The following MTUS1 variants were observed in gnomAD, a reference collection of about 807,000 sequenced individuals.
The protein encoded by MTUS1 is microtubule-associated tumor suppressor 1.
Under a neutral mutation model 120.8 loss-of-function variants are expected in MTUS1, and 109 were observed. That is an observed-to-expected ratio of 0.90 (90% CI 0.77 to 1.06). The LOEUF is 1.06. Among genes scored for constraint, MTUS1 ranks in the 50% least tolerant of loss-of-function variants. The pLI, the probability that MTUS1 is intolerant of heterozygous loss-of-function variation, is 0.00. For missense variants in MTUS1, 2,210 were observed against 1,486.3 expected, an observed-to-expected ratio of 1.49 and a Z score of -8.01; for synonymous variants, 737 against 550.5, an observed-to-expected ratio of 1.34 and a Z score of -4.74.
At chr8:17,676,132 A>T in intron 7 of MTUS1, 2 of 635,642 alleles carry the variant, frequency 3.1e-6, no homozygotes. Flanking sequence ...CCACATCCTG[A>T]TCACAGCGTT....
rs1325328439 is a variant in MTUS1 at position 17,646,080 on chromosome 8, T to C, written c.3659A>G (p.Asn1220Ser). 1.2e-6 allele frequency: 2 copies of C among 1,613,518 alleles called. No homozygotes were observed. Among genetic ancestry groups the C allele is most frequent in the Non-Finnish European group, 1.7e-6 (2 of 1,179,822 alleles). The change falls in exon 15 of 15, where the codon AAC becomes AGC. Residue 1220 changes from asparagine (N) to serine (S), a missense_variant. Transcript: ENST00000693296. ...CTCGTTTTCCATAGAGAGTCGCTTG[T>C]TGACTTTCGACTCCTTCTCCAGCGA... ...QESLEKESKV[N>S]KRLSMENEEL...
intron 7 of MTUS1, among the ~76,000 whole-genome samples, chr8:17,675,680 T>C (rs933458513): frequency 6.6e-6 from 1 of 152,206 alleles, no homozygotes; most frequent in African/African-American, 2.4e-5. Flanking sequence ...GTCCTATATT[T>C]GCACATAAAA....
intron 1 of MTUS1, among the ~76,000 whole-genome samples, chr8:17,762,249 A>G (rs1166441452): frequency 6.6e-6 from 1 of 152,242 alleles, no homozygotes; most frequent in Non-Finnish European, 1.5e-5. Flanking sequence ...ACCACACTCC[A>G]GCCCAGGTGA....
intron 6 of MTUS1, among the ~76,000 whole-genome samples, chr8:17,709,528 T>C (rs1319094039): frequency 6.6e-6 from 1 of 152,130 alleles, no homozygotes; most frequent in African/African-American, 2.4e-5. Context: ...ACACTCACAA[T>C]GTGTGAACAA....
intron 3 of MTUS1, among the ~76,000 whole-genome samples, chr8:17,741,259 C>G (rs1563300309): frequency 6.6e-6 from 1 of 152,126 alleles, no homozygotes; most frequent in Non-Finnish European, 1.5e-5. Context: ...CCTTCATCAC[C>G]TCCTCACCAG....
intron 7 of MTUS1, 92 bp downstream of exon 7, chr8:17,684,236 C>G: frequency 1.1e-6 from 1 of 876,890 alleles, no homozygotes; most frequent in Non-Finnish European, 1.9e-6. Context: ...CATCATTTAC[C>G]TAGATATTCC....
At chr8:17,745,689 C>T (rs2047689081) in intron 2 of MTUS1, among the ~76,000 whole-genome samples, 1 of 152,238 alleles carries the variant, frequency 6.6e-6, no homozygotes, top group Non-Finnish European at 1.5e-5. Context: ...CCCCTGGGGG[C>T]TCTCTCTACA....
intron 2 of MTUS1, chr8:17,748,193 T>C (rs1486404162): frequency 6.6e-6 from 1 of 152,166 alleles, no homozygotes; most frequent in East Asian, 1.9e-4. Flanking sequence ...GCCTGGTTAG[T>C]ACTTGGATGG....
chr8:17,660,675 T>C (rs1443833872), intron 8 of MTUS1, among the ~76,000 whole-genome samples: 3 of 152,224 alleles, frequency 2.0e-5, no homozygotes, highest in Admixed American at 1.3e-4. Flanking sequence ...GGGTTCCAAT[T>C]TCTCCACATG....
chr8:17,762,961 G>A (rs1376201270), intron 1 of MTUS1, among the ~76,000 whole-genome samples: 1 of 151,482 alleles, frequency 6.6e-6, no homozygotes, highest in African/African-American at 2.4e-5. Flanking sequence ...AACAACAGTG[G>A]CTGTCAGGGC....
In MTUS1 at chr8:17,644,840, T is replaced by C. The variant is rs117879365; in HGVS notation, c.*1086A>G. On this transcript the variant is annotated 3_prime_UTR_variant, in exon 15 of 15. Coordinates refer to ENST00000693296, the MANE Select transcript of MTUS1 (RefSeq NM_001363059.2). ...TTCAGCACCTGGAAGATGAGCTGGC[T>C]CTGGGGCTCTGGAAAATCATATTCC... is the stretch of plus-strand genomic sequence containing the variant. 1 of 152,148 alleles carries C rather than the reference T, an allele frequency of 6.6e-6. No individual in the cohort carries two copies. Among genetic ancestry groups the C allele is most frequent in the East Asian group, 1.9e-4 (1 of 5,180 alleles). 9.4% of individuals were successfully genotyped at this position (152,148 alleles called of 1,614,324 possible). A position where few individuals can be genotyped will look rare whatever the true frequency, so the allele number is the denominator to read the frequency against.
intron 2 of MTUS1, among the ~76,000 whole-genome samples, chr8:17,751,564 G>A (rs1048555044): frequency 2.0e-4 from 13 of 65,066 alleles, no homozygotes; most frequent in South Asian, 5.3e-4. Context: ...AGACATGATC[G>A]TGAAAAAAGA....
chr8:17,716,158 G>A (rs531644009), intron 4 of MTUS1, among the ~76,000 whole-genome samples: 1 of 152,286 alleles, frequency 6.6e-6, no homozygotes, highest in South Asian at 2.1e-4. Flanking sequence ...GTCCAGTTCA[G>A]CTTTCATCCC....
Position 17,715,630 on chromosome 8 carries a change from T to C in MTUS1, c.2584+137A>G, listed in dbSNP as rs1322364742. The C allele has an allele frequency of 2.5e-5, 24 of 942,620 alleles. No homozygotes were observed. The Middle Eastern group carries it at 6.6e-4, about 26-fold the overall frequency. The allele number at this position is 942,620 out of a possible 1,614,324, so 58.4% of individuals were successfully genotyped here. A position where few individuals can be genotyped will look rare whatever the true frequency, so the allele number is the denominator to read the frequency against. On this transcript the variant is annotated intron_variant, in intron 5 of 14. Transcript: ENST00000693296. ...AAACAATTTCCTCAGTGCAAAAATG[T>C]ATTATATCTCCTTTCTCAACATATT...
intron 1 of MTUS1, among the ~76,000 whole-genome samples, chr8:17,794,115 G>A (rs1024102167): frequency 6.6e-6 from 1 of 152,086 alleles, no homozygotes; most frequent in Non-Finnish European, 1.5e-5. Flanking sequence ...ATCACCTGAG[G>A]TCAGGAGTTC....
intron 6 of MTUS1, 138 bp from the exon 7 acceptor site, chr8:17,684,680 G>C (rs932732319): frequency 1.5e-5 from 10 of 675,774 alleles, no homozygotes; most frequent in Non-Finnish European, 2.3e-5. Flanking sequence ...ATATGGATGA[G>C]AACTGGAATG....
chr8:17,681,211 G>A (rs1211297417), intron 7 of MTUS1, among the ~76,000 whole-genome samples: 1 of 152,196 alleles, frequency 6.6e-6, no homozygotes, highest in East Asian at 1.9e-4. Flanking sequence ...TGGGATTACA[G>A]GTGTGAGCCA....
rs143091976 is a variant in MTUS1, at chr8:17,775,480, C to T, written c.-154-19519G>A. On this transcript the variant is annotated intron_variant, in intron 1 of 14. Transcript: ENST00000693296. ...GTCTACACGACAGCATGCATCACGC[C>T]CTACACACCTGCCAGGTGGAAGCTT... is the stretch of plus-strand genomic sequence containing the variant. Among the ~76,000 whole-genome samples the T allele has an allele frequency of 2.5e-3, 381 of 152,226 alleles. 1 individual carries two copies. The highest frequency in any genetic ancestry group is 8.9e-3 in the African/African-American group (369 of 41,530).
In MTUS1 at chr8:17,753,755, T is replaced by A. The variant is rs1255554863; in HGVS notation, c.2053A>T (p.Ile685Phe). 6.2e-7 allele frequency: 1 copy of A among 1,611,170 alleles called. No individual in the cohort carries two copies. Among genetic ancestry groups the A allele is most frequent in the Non-Finnish European group, 8.5e-7 (1 of 1,179,306 alleles). ...SMEKQELKQE[I>F]MNETFEYGSL... ...CCATATTCAAAAGTCTCATTCATAA[T>A]CTCTTGTTTCAGCTCTTGTTTTTCC... Residue 685 changes from isoleucine to phenylalanine, a missense_variant, in exon 2 of 15, where the codon ATT becomes TTT. By Grantham distance (21) the Ile-to-Phe change is conservative. Coordinates refer to ENST00000693296, the MANE Select transcript of MTUS1 (RefSeq NM_001363059.2).
Sources: allele counts gnomAD v4.1 joint callset (sites outside exome capture counted in the v4.1 genomes callset), GRCh38; gene constraint gnomAD v4.1.1; transcripts MANE v1.5; gene names NCBI Gene and HGNC (gene_info 2026-07-23, HGNC 2026-07-21).